Variants in NAP1L4 observed in about 807,000 individuals in gnomAD.
The protein encoded by NAP1L4 is nucleosome assembly protein 1-like 4.
NAP1L4 carries 15 observed loss-of-function variants against 58.2 expected under a neutral mutation model. That is an observed-to-expected ratio of 0.26 (90% CI 0.17 to 0.40). The LOEUF (loss-of-function observed/expected upper bound fraction) is 0.40. Among genes scored for constraint, NAP1L4 ranks in the 10% least tolerant of loss-of-function variants. The pLI is 1.00. For missense variants in NAP1L4, 384 were observed against 451.1 expected, an observed-to-expected ratio of 0.85 and a Z score of 1.35; for synonymous variants, 171 against 155.6, an observed-to-expected ratio of 1.10 and a Z score of -0.74.
intron 8 of NAP1L4, chr11:2,963,763 C>T (rs1339075221): frequency 3.9e-6 from 2 of 519,194 alleles, no homozygotes; most frequent in Non-Finnish European, 7.7e-6. Context: ...CACAGCCCGT[C>T]ATGCAGCATT....
At chr11:2,975,643 C>T (rs545966366) in intron 4 of NAP1L4, among the ~76,000 whole-genome samples, 6 of 151,946 alleles carry the variant, frequency 3.9e-5, no homozygotes, top group South Asian at 2.1e-4. Flanking sequence ...GCACTATGCC[C>T]AGTTTTTTTT....
At chr11:2,966,996 AG>A (rs1310167435) in intron 7 of NAP1L4, among the ~76,000 whole-genome samples, 1 of 152,232 alleles carries the variant, frequency 6.6e-6, no homozygotes, top group Non-Finnish European at 1.5e-5. Context: ...CATCGCACTC[AG>A]ATCGTAAAGC....
intron 7 of NAP1L4, among the ~76,000 whole-genome samples, chr11:2,964,959 C>A (rs1239284722): frequency 6.6e-6 from 1 of 152,234 alleles, no homozygotes; most frequent in Non-Finnish European, 1.5e-5. Context: ...TGTCCCCTTT[C>A]CCTAGTGTGG....
intron 6 of NAP1L4, 27 bp from the exon 7 acceptor site, chr11:2,969,961 C>A: frequency 6.3e-7 from 1 of 1,596,052 alleles, no homozygotes; most frequent in Non-Finnish European, 8.5e-7. Flanking sequence ...ACATAGGTAA[C>A]GAAAATAAAA....
chr11:2,945,612 TGCTGCTTGCATTCCGCCGGCTGGCTGG>T lies in NAP1L4; in HGVS notation c.*40_*66del. The T allele has an allele frequency of 6.5e-7, 1 of 1,536,062 alleles. No homozygotes were observed. Among genetic ancestry groups the T allele is most frequent in the Non-Finnish European group, 8.7e-7 (1 of 1,146,876 alleles). On this transcript the variant is annotated 3_prime_UTR_variant, in exon 16 of 16. Transcript: ENST00000380542. Reference sequence around the variant, plus strand: ...CCAGGCACCCGCCTCCGCTTCCTACTGCTGCTTGCATTCCGCCGGCTGGCTGGGTTCCTTCTGTCAATGAAAAAGACA... The same window carrying T: ...CCAGGCACCCGCCTCCGCTTCCTACTGTTCCTTCTGTCAATGAAAAAGACA...
chr11:2,967,667 C>T (rs1320786815), intron 7 of NAP1L4, among the ~76,000 whole-genome samples: 2 of 151,302 alleles, frequency 1.3e-5, no homozygotes, highest in Admixed American at 1.3e-4. Flanking sequence ...AATATGCTAC[C>T]ATTACCTGCT....
chr11:2,972,275 C>G (rs1292391415), intron 4 of NAP1L4, 32 bp from the exon 5 acceptor site: 3 of 1,561,402 alleles, frequency 1.9e-6, no homozygotes, highest in Non-Finnish European at 2.6e-6. Flanking sequence ...ACAACATCCT[C>G]ATGCCTGCAA....
chr11:2,958,634 C>A, intron 9 of NAP1L4, 90 bp from the exon 10 acceptor site: 1 of 1,356,616 alleles, frequency 7.4e-7, no homozygotes, highest in Admixed American at 2.3e-5. Flanking sequence ...AGCTCTATGC[C>A]AAACCTGGAA....
intron 1 of NAP1L4, among the ~76,000 whole-genome samples, chr11:2,984,494 C>T (rs1382182149): frequency 6.6e-6 from 1 of 152,122 alleles, no homozygotes; most frequent in African/African-American, 2.4e-5. Context: ...TCTCTTGAAC[C>T]CAGGAGGCGG....
At position 2,945,423 on chromosome 11, in the gene NAP1L4, T is replaced by C; in HGVS notation, c.*256A>G. The C allele has an allele frequency of 1.7e-5, 10 of 586,262 alleles. No homozygotes were observed. The South Asian group carries it at 2.2e-4, about 13-fold the overall frequency. The allele number at this position is 586,262 out of a possible 1,614,324, so 36.3% of individuals were successfully genotyped here. On this transcript the variant is annotated 3_prime_UTR_variant, in exon 16 of 16. Coordinates refer to ENST00000380542, the MANE Select transcript of NAP1L4 (RefSeq NM_005969.4). The stretch of plus-strand genomic sequence containing the variant: ...CTCCTATTTCTGAAATGCATTTCAG[T>C]TGCCACTGTACAAGTTAAGCAAAAT...
rs1845957252 is a variant in NAP1L4, at chr11:2,946,718, A to T, written c.*33-1072T>A. 6.6e-6 allele frequency among the ~76,000 whole-genome samples: 1 copy of T among 152,246 alleles called. No homozygotes were observed. Among genetic ancestry groups the T allele is most frequent in the Non-Finnish European group, 1.5e-5 (1 of 68,044 alleles). On this transcript the variant is annotated intron_variant, in intron 15 of 15. Transcript: ENST00000380542. This position sits in a 1 kb window ranked among gnomAD's most constrained non-coding sequence, Gnocchi z 4.8. ...GCAAAAAACAAAATCAATAACCTTG[A>T]ACCCTGGTGTCTAAGCTCCCAATCT...
chr11:2,968,988 G>GTTTTTTTT (rs61176259), intron 7 of NAP1L4, among the ~76,000 whole-genome samples: 1 of 113,580 alleles, frequency 8.8e-6, no homozygotes. Context: ...TTGTTGTGTT[G>GTTTTTTTT]TTTTTTTTTT....
chr11:2,984,066 G>T (rs1848480395), intron 1 of NAP1L4, among the ~76,000 whole-genome samples: 1 of 148,024 alleles, frequency 6.8e-6, no homozygotes, highest in Non-Finnish European at 1.5e-5. Flanking sequence ...GGCTGAGACA[G>T]AAGCAACACT....
At chr11:2,969,285 T>A (rs543507043) in intron 7 of NAP1L4, among the ~76,000 whole-genome samples, 54 of 151,836 alleles carry the variant, frequency 3.6e-4, no homozygotes, top group African/African-American at 6.5e-4. Context: ...CCTCTTTTTT[T>A]AAAAAAAATA....
intron 1 of NAP1L4, among the ~76,000 whole-genome samples, chr11:2,980,811 A>G (rs1429663100): frequency 2.6e-5 from 4 of 152,242 alleles, no homozygotes; most frequent in Non-Finnish European, 5.9e-5. Context: ...CTACTTTTTT[A>G]AAATTTTTAT....
chr11:2,955,236 T>C lies in NAP1L4; in HGVS notation c.915+508A>G, dbSNP rs1272748797. On this transcript the variant is annotated intron_variant, in intron 11 of 15. Transcript: ENST00000380542. The surrounding 1 kb of genome is among the most constrained non-coding windows in gnomAD (Gnocchi z 4.2). ...TCTTTTGAGACGGAGTCTTGCTCTG[T>C]CGCCCAATGGAATACGGTGGTGCAA... is the stretch of plus-strand genomic sequence containing the variant. Among the ~76,000 whole-genome samples the C allele has an allele frequency of 6.6e-6, 1 of 152,060 alleles. No individual in the cohort carries two copies. Among genetic ancestry groups the C allele is most frequent in the African/African-American group, 2.4e-5 (1 of 41,384 alleles).
In NAP1L4 at chr11:2,954,278, T is replaced by C; in HGVS notation, c.1035+249A>G. 1.7e-6 allele frequency: 1 copy of C among 578,464 alleles called. No individual in the cohort carries two copies. Among genetic ancestry groups the C allele is most frequent in the Non-Finnish European group, 3.1e-6 (1 of 322,782 alleles). The allele number at this position is 578,464 out of a possible 1,614,324, so 35.8% of individuals were successfully genotyped here. A position where few individuals can be genotyped will look rare whatever the true frequency, so the allele number is the denominator to read the frequency against. ...ATATTGTTGAGTCACTAGGCAGGGCTCACATAGGAAACTGGCAATCACCTC... is the reference window on the plus strand; with the variant it reads ...ATATTGTTGAGTCACTAGGCAGGGCCCACATAGGAAACTGGCAATCACCTC... On this transcript the variant is annotated intron_variant, in intron 12 of 15. Coordinates refer to ENST00000380542, the MANE Select transcript of NAP1L4 (RefSeq NM_005969.4). The surrounding 1 kb of genome is among the most constrained non-coding windows in gnomAD (Gnocchi z 4.8).
rs544596845 is a variant in NAP1L4 at position 2,954,623 on chromosome 11, T to C, written c.939A>G (p.Leu313=). 2.5e-6 allele frequency: 4 copies of C among 1,614,228 alleles called. No homozygotes were observed. The highest frequency in any genetic ancestry group is 1.1e-5 in the South Asian group (1 of 91,084). Residue 313 remains leucine (L), a synonymous_variant, in exon 12 of 16, where the codon TTA becomes TTG. Coordinates refer to ENST00000380542, the MANE Select transcript of NAP1L4 (RefSeq NM_005969.4). The surrounding 1 kb of genome is among the most constrained non-coding windows in gnomAD (Gnocchi z 4.8). The part of the protein sequence containing the change: ...ESLDEDSEFT[L]ASDFEIGHFF... ...AGTGTCCAATTTCAAAATCAGAGGCTAATGTGAATTCAGAATCTTCATCCT... is the reference window on the plus strand; with the variant it reads ...AGTGTCCAATTTCAAAATCAGAGGCCAATGTGAATTCAGAATCTTCATCCT...
chr11:2,969,131 C>A (rs1050822778), intron 7 of NAP1L4, among the ~76,000 whole-genome samples: 1 of 151,820 alleles, frequency 6.6e-6, no homozygotes, highest in Non-Finnish European at 1.5e-5. Context: ...CCTGGGACCA[C>A]AGGCGCACAC....
Sources: gnomAD v4.1 joint callset for allele counts (sites outside exome capture counted in the v4.1 genomes callset) on GRCh38, gnomAD v4.1.1 for gene constraint, Gnocchi (gnomAD v3.1) non-coding constraint, MANE v1.5 for transcripts, NCBI Gene and HGNC (gene_info 2026-07-23, HGNC 2026-07-21) for gene names.